The following ERCC6 variants were observed in gnomAD, a reference collection of about 807,000 sequenced individuals.
The protein encoded by ERCC6 is ERCC excision repair 6, chromatin remodeling factor, also known as DNA excision repair protein ERCC-6.
Under a neutral mutation model 158.7 loss-of-function variants are expected in ERCC6, and 116 were observed. The ratio of observed to expected loss-of-function variants is 0.73; its 90% CI spans 0.63 to 0.85. The LOEUF (loss-of-function observed/expected upper bound fraction) is 0.85, where lower values mean the gene tolerates loss of function less well. Ranked by LOEUF, ERCC6 falls within the 40% of genes least tolerant of loss-of-function variation. The probability of loss-of-function intolerance (pLI) is 0.00; values close to 1 mark genes in which losing one functional copy is unlikely to be tolerated. For synonymous variants in ERCC6, 678 were observed against 659.3 expected (o/e 1.03, Z -0.43); for missense variants, 1,698 against 1,799.4 (o/e 0.94, Z 1.02).
intron 8 of ERCC6, among the ~76,000 whole-genome samples, chr10:49,491,945 C>A (rs1456724033): frequency 6.6e-6 from 1 of 152,194 alleles, no homozygotes; most frequent in Non-Finnish European, 1.5e-5. Context: ...TTTGACTAGA[C>A]AACAATCTAT....
At chr10:49,498,209 T>C (rs1851298610) in intron 7 of ERCC6, among the ~76,000 whole-genome samples, 1 of 152,158 alleles carries the variant, frequency 6.6e-6, no homozygotes, top group Non-Finnish European at 1.5e-5. Context: ...TACCATGAAG[T>C]TTCTTGGTAT....
intron 5 of ERCC6, chr10:49,515,430 G>A: frequency 1.2e-6 from 2 of 1,614,120 alleles, no homozygotes; most frequent in Non-Finnish European, 1.7e-6. Flanking sequence ...AGCGCATCGC[G>A]TTTGCTTTCC....
chr10:49,526,597 C>CTGTAA (rs778309552), intron 4 of ERCC6, among the ~76,000 whole-genome samples: 5 of 152,136 alleles, frequency 3.3e-5, no homozygotes, highest in Non-Finnish European at 5.9e-5. Context: ...AAATCTTTTC[C>CTGTAA]TTTACACTGA....
Position 49,456,364 on chromosome 10 carries a change from T to C in ERCC6, c.*2451A>G, listed in dbSNP as rs1172106107. ...CTTCTTTAAAGGGCCAATTGGGAAG[T>C]TTAAAACTTAGTCATATGGCCACAA... On this transcript the variant is annotated 3_prime_UTR_variant, in exon 21 of 21. Transcript: ENST00000355832. 6.6e-6 allele frequency: 1 copy of C among 152,182 alleles called. No homozygotes were observed. Among genetic ancestry groups the C allele is most frequent in the Non-Finnish European group, 1.5e-5 (1 of 68,044 alleles). 9.4% of individuals were successfully genotyped at this position (152,182 alleles called of 1,614,324 possible).
intron 8 of ERCC6, among the ~76,000 whole-genome samples, chr10:49,486,327 T>C (rs548405679): frequency 2.0e-5 from 3 of 152,260 alleles, no homozygotes; most frequent in South Asian, 2.1e-4. Flanking sequence ...CTTTAGACTA[T>C]ACAAAGAATA....
At chr10:49,464,000 C>T (rs1378099293) in intron 18 of ERCC6, among the ~76,000 whole-genome samples, 4 of 152,138 alleles carry the variant, frequency 2.6e-5, no homozygotes, top group African/African-American at 7.2e-5. Flanking sequence ...AAAGATATCC[C>T]AAAATGTGGA....
In ERCC6 at chr10:49,461,178, G is replaced by A. The variant is rs4253221; in HGVS notation, c.3983+174C>T. Among the ~76,000 whole-genome samples the A allele has an allele frequency of 7.5e-3, 1,149 of 152,312 alleles. 12 individuals carry two copies. The highest frequency in any genetic ancestry group is 0.025 in the African/African-American group (1,052 of 41,564). The stretch of plus-strand genomic sequence containing the variant: ...AACAGGGGATGAAAGCAAGGAGGAA[G>A]GCAAAGTTATAACAGTATTTCTCCA... On this transcript the variant is annotated intron_variant, in intron 19 of 20. Coordinates refer to ENST00000355832, the MANE Select transcript of ERCC6 (RefSeq NM_000124.4).
intron 5 of ERCC6, among the ~76,000 whole-genome samples, chr10:49,519,898 C>T (rs1227880416): frequency 2.0e-5 from 3 of 152,168 alleles, no homozygotes; most frequent in Non-Finnish European, 4.4e-5. Flanking sequence ...CCACTCTGCA[C>T]CTGCTGCCTC....
chr10:49,467,001 G>A (rs1224740575), intron 18 of ERCC6, among the ~76,000 whole-genome samples: 4 of 152,156 alleles, frequency 2.6e-5, no homozygotes, highest in Non-Finnish European at 5.9e-5. Context: ...GGTTGGTCTC[G>A]AACTCCTGAC....
At chr10:49,536,676 A>T (rs985791264) in intron 1 of ERCC6, among the ~76,000 whole-genome samples, 2 of 152,154 alleles carry the variant, frequency 1.3e-5, no homozygotes, top group Admixed American at 1.3e-4. Context: ...GCTGTGGAGG[A>T]CCTACCTGAG....
Position 49,502,488 on chromosome 10 carries a change from G to GAGGT in ERCC6, c.1527-1793_1527-1792insACCT, listed in dbSNP as rs139597916. Reference sequence around the variant, plus strand: ...CTGCTGAGGAGGCACCAGGCCAGGTGGTTTGGACACAGCCTCACAATCAAC... The same window carrying GAGGT: ...CTGCTGAGGAGGCACCAGGCCAGGTGAGGTGTTTGGACACAGCCTCACAATCAAC... On this transcript the variant is annotated intron_variant, in intron 6 of 20. Transcript: ENST00000355832. 1,062 of 152,286 alleles carry GAGGT rather than the reference G, an allele frequency of 7.0e-3. 9 individuals carry two copies. Among genetic ancestry groups the GAGGT allele is most frequent in the Non-Finnish European group, 0.012 (827 of 68,028 alleles). The allele number at this position is 152,286 out of a possible 1,614,324, so 9.4% of individuals were successfully genotyped here.
chr10:49,520,857 GC>G (rs1475921123), intron 5 of ERCC6, among the ~76,000 whole-genome samples: 1 of 152,152 alleles, frequency 6.6e-6, no homozygotes, highest in African/African-American at 2.4e-5. Flanking sequence ...GAAATAATGT[GC>G]CTCCAAAGCA....
rs149818939 is a variant in ERCC6 at position 49,460,482 on chromosome 10, A to C, written c.3984-31T>G. On this transcript the variant is annotated intron_variant, in intron 19 of 20. Transcript: ENST00000355832. ...AAAGGAAAAGCATCACAGTAGATTAAATGTTTGCTTTTGAGACTTAGAGAT... is the reference window on the plus strand; with the variant it reads ...AAAGGAAAAGCATCACAGTAGATTACATGTTTGCTTTTGAGACTTAGAGAT... 4,247 of 1,471,292 alleles carry C rather than the reference A, an allele frequency of 2.9e-3. 14 individuals carry two copies. The highest frequency in any genetic ancestry group is 3.4e-3 in the Non-Finnish European group (3,568 of 1,050,208). The allele number at this position is 1,471,292 out of a possible 1,614,324, so 91.1% of individuals were successfully genotyped here.
chr10:49,441,417 C>T, the ERCC6 span, among the ~76,000 whole-genome samples: 2 of 152,110 alleles, frequency 1.3e-5, no homozygotes, highest in Non-Finnish European at 2.9e-5. Flanking sequence ...GAGGGGCCTC[C>T]CTCTCAATAC....
At chr10:49,469,917 C>T (rs999361205) in intron 18 of ERCC6, among the ~76,000 whole-genome samples, 4 of 152,150 alleles carry the variant, frequency 2.6e-5, no homozygotes, top group African/African-American at 9.7e-5. Flanking sequence ...TCAGGTAGTA[C>T]ACATCGATTT....
chr10:49,439,988 C>T, the ERCC6 span, among the ~76,000 whole-genome samples: 1 of 152,180 alleles, frequency 6.6e-6, no homozygotes, highest in South Asian at 2.1e-4. Context: ...CAAACCCATT[C>T]AACAAGTCTC....
intron 8 of ERCC6, among the ~76,000 whole-genome samples, chr10:49,491,907 A>G (rs1020791871): frequency 1.3e-5 from 2 of 152,274 alleles, no homozygotes; most frequent in Non-Finnish European, 2.9e-5. Flanking sequence ...GTGACAGGAT[A>G]GTTTAAGGTT....
intron 1 of ERCC6, among the ~76,000 whole-genome samples, chr10:49,533,412 T>C (rs1188642650): frequency 3.3e-5 from 5 of 152,236 alleles, no homozygotes; most frequent in Admixed American, 6.5e-5. Context: ...AAAGAGCTTC[T>C]GTGTGAATCT....
At chr10:49,476,979 G>A (rs1850889753) in intron 11 of ERCC6, among the ~76,000 whole-genome samples, 1 of 152,042 alleles carries the variant, frequency 6.6e-6, no homozygotes, top group Non-Finnish European at 1.5e-5. Context: ...TCAGTCTTCT[G>A]CAGACCTATG....
Sources: allele counts gnomAD v4.1 joint callset (sites outside exome capture counted in the v4.1 genomes callset), GRCh38; gene constraint gnomAD v4.1.1; transcripts MANE v1.5; gene names NCBI Gene and HGNC (gene_info 2026-07-23, HGNC 2026-07-21).